The following ALDH5A1 variants were observed in gnomAD, a reference collection of about 807,000 sequenced individuals.
The protein encoded by ALDH5A1 is succinate-semialdehyde dehydrogenase, mitochondrial.
Under a neutral mutation model 54.7 loss-of-function variants are expected in ALDH5A1, and 33 were observed. The observed-to-expected ratio is 0.60, with a 90% CI of 0.46 to 0.81. The LOEUF (loss-of-function observed/expected upper bound fraction) is 0.81. ALDH5A1 is among the 30% of genes least tolerant of loss of function. The pLI is 0.00. For synonymous variants in ALDH5A1, 294 were observed against 292.7 expected (o/e 1.00, Z -0.05); for missense variants, 657 against 711.0 (o/e 0.92, Z 0.86).
intron 1 of ALDH5A1, among the ~76,000 whole-genome samples, chr6:24,495,856 T>C (rs1177851139): frequency 6.6e-6 from 1 of 152,012 alleles, no homozygotes; most frequent in East Asian, 1.9e-4. Flanking sequence ...GTAGAAAGAT[T>C]TGGGTTTTGT....
At chr6:24,523,081 C>T (rs1448606080) in intron 7 of ALDH5A1, among the ~76,000 whole-genome samples, 156 bp downstream of exon 7, 3 of 152,082 alleles carry the variant, frequency 2.0e-5, no homozygotes, top group Non-Finnish European at 2.9e-5. Flanking sequence ...TGGTGTTCTA[C>T]AGCACTGTAG....
intron 8 of ALDH5A1, 26 bp from the exon 9 acceptor site, chr6:24,532,093 T>G (rs982209970): frequency 1.2e-6 from 2 of 1,611,750 alleles, no homozygotes; most frequent in Non-Finnish European, 1.7e-6. Context: ...CCTTACATTT[T>G]TTATGACCTA....
At chr6:24,510,886 G>GT (rs1759445905) in intron 4 of ALDH5A1, among the ~76,000 whole-genome samples, 1 of 151,976 alleles carries the variant, frequency 6.6e-6, no homozygotes, top group Non-Finnish European at 1.5e-5. Flanking sequence ...GTTTTGTTTT[G>GT]TTTTTTAATT....
rs760478429 is a variant in ALDH5A1, at chr6:24,522,925, GGTAA to G, written c.1173+4_1173+7del. Reference sequence around the variant, plus strand: ...TAATTAATGAAAAAGCGGTAGAAAAGGTAAGTATATTGTATTATTTGTGAAAGTA... The same window carrying G: ...TAATTAATGAAAAAGCGGTAGAAAAGGTATATTGTATTATTTGTGAAAGTA... On this transcript the variant is annotated splice_donor_variant and splice_donor_region_variant and intron_variant, in intron 7 of 9. Coordinates refer to ENST00000357578, the MANE Select transcript of ALDH5A1 (RefSeq NM_001080.3). LOFTEE classifies it high-confidence loss of function. 4 of 1,605,722 alleles carry G rather than the reference GGTAA, an allele frequency of 2.5e-6. No homozygotes were observed. The South Asian group carries it at 4.4e-5, about 18-fold the overall frequency.
In ALDH5A1 at chr6:24,520,423, ACT is replaced by A. The variant is rs2127387279; in HGVS notation, c.896_897del (p.Ser299CysfsTer18). ...CAGATCCTGTTGCACCACGCAGCAAACTCTGTGAAAAGGGTCTCTATGGAGCT... is the reference window on the plus strand; with the variant it reads ...CAGATCCTGTTGCACCACGCAGCAAACTGTGAAAAGGGTCTCTATGGAGCT... On this transcript the variant is annotated frameshift_variant, in exon 6 of 10. Coordinates refer to ENST00000357578, the MANE Select transcript of ALDH5A1 (RefSeq NM_001080.3). LOFTEE classifies it high-confidence loss of function. 2 of 1,613,992 alleles carry A rather than the reference ACT, an allele frequency of 1.2e-6. No homozygotes were observed. Among genetic ancestry groups the A allele is most frequent in the Non-Finnish European group, 1.7e-6 (2 of 1,180,000 alleles).
At chr6:24,516,915 C>T (rs950715525) in intron 5 of ALDH5A1, among the ~76,000 whole-genome samples, 17 of 152,124 alleles carry the variant, frequency 1.1e-4, no homozygotes, top group African/African-American at 3.6e-4. Flanking sequence ...AGGTGTGAGA[C>T]CCTGCCTCAA....
At chr6:24,522,504 T>TGTGTGTGTGTGTGTGTGTGA in intron 6 of ALDH5A1, 1 of 396,040 alleles carries the variant, frequency 2.5e-6, no homozygotes, top group Non-Finnish European at 4.8e-6. Context: ...TGTGTGTGTG[T>TGTGTGTGTGTGTGTGTGTGA]ACAGGTGCTT....
rs1193554177 is a variant in ALDH5A1 at position 24,522,917 on chromosome 6, G to A, written c.1165G>A (p.Val389Ile). 5.7e-6 allele frequency: 9 copies of A among 1,574,914 alleles called. No individual in the cohort carries two copies. In the South Asian group the frequency reaches 6.6e-5, roughly 12 times the overall value. The change falls in exon 7 of 10, where the codon GTA becomes ATA. Residue 389 changes from valine (V) to isoleucine (I), a missense_variant. Val to Ile is a conservative substitution (Grantham distance 29, BLOSUM62 3). Coordinates refer to ENST00000357578, the MANE Select transcript of ALDH5A1 (RefSeq NM_001080.3). ...GGGCCCATTAATTAATGAAAAAGCG[G>A]TAGAAAAGGTAAGTATATTGTATTA... ...TQGPLINEKA[V>I]EKVEKQVNDA...
chr6:24,516,242 C>G (rs1049966680), intron 5 of ALDH5A1, among the ~76,000 whole-genome samples: 1 of 151,550 alleles, frequency 6.6e-6, no homozygotes, highest in Admixed American at 6.6e-5. Flanking sequence ...CAAGACCATC[C>G]TGGCTAACAC....
At chr6:24,506,987 C>A (rs895572663) in intron 4 of ALDH5A1, among the ~76,000 whole-genome samples, 13 of 152,352 alleles carry the variant, frequency 8.5e-5, no homozygotes, top group Middle Eastern at 3.4e-3. Context: ...TATCCCATTA[C>A]ATTTAGTTGC....
At position 24,523,636 on chromosome 6, in the gene ALDH5A1, CT is replaced by C. The variant is rs567724825; in HGVS notation, c.1173+715del. ...GGATCTTGAGACAAAGTTCATTCAT[CT>C]TTTGGAACACCTATGGAATGGAAGA... On this transcript the variant is annotated intron_variant, in intron 7 of 9. Transcript: ENST00000357578. 2.2e-4 allele frequency among the ~76,000 whole-genome samples: 33 copies of C among 152,332 alleles called. No homozygotes were observed. The East Asian group carries it at 6.4e-3, about 29-fold the overall frequency.
intron 4 of ALDH5A1, among the ~76,000 whole-genome samples, chr6:24,512,244 C>A (rs1759473756): frequency 6.6e-6 from 1 of 152,196 alleles, no homozygotes; most frequent in African/African-American, 2.4e-5. Flanking sequence ...CCAGGTCCTG[C>A]AGGAGCAATC....
intron 8 of ALDH5A1, among the ~76,000 whole-genome samples, chr6:24,531,306 A>G (rs1554138163): frequency 6.6e-6 from 1 of 152,340 alleles, no homozygotes; most frequent in Non-Finnish European, 1.5e-5. Context: ...TAAAATGTGA[A>G]CTGGACATTT....
At position 24,495,336 on chromosome 6, in the gene ALDH5A1, G is replaced by C; in HGVS notation, c.340G>C (p.Glu114Gln). ...CTACGAGGCTTTCTGCCGCTGGAGG[G>C]AGGTCTCCGCCAAGGTGAGAGAGCC... ...AAYEAFCRWR[E>Q]VSAKERSSLL... Residue 114 changes from glutamate (E) to glutamine (Q), a missense_variant, in exon 1 of 10, where the codon GAG becomes CAG. Glu to Gln is a conservative substitution (Grantham distance 29). Around this residue, in one of 2 missense-constraint regions of ALDH5A1, gnomAD observed 232 missense variants for 194.6 expected, o/e 1.19. Coordinates refer to ENST00000357578, the MANE Select transcript of ALDH5A1 (RefSeq NM_001080.3). 1 of 1,533,014 alleles carries C rather than the reference G, an allele frequency of 6.5e-7. No homozygotes were observed. The highest frequency in any genetic ancestry group is 2.4e-5 in the East Asian group (1 of 40,838). 95.0% of individuals were successfully genotyped at this position (1,533,014 alleles called of 1,614,324 possible). A position where few individuals can be genotyped will look rare whatever the true frequency, so the allele number is the denominator to read the frequency against.
intron 1 of ALDH5A1, among the ~76,000 whole-genome samples, chr6:24,496,201 G>A (rs770155495): frequency 6.6e-6 from 1 of 152,184 alleles, no homozygotes; most frequent in Admixed American, 6.5e-5. Flanking sequence ...TGTATGCCCT[G>A]CACTGTTGGA....
chr6:24,508,493 T>C (rs1759404264), intron 4 of ALDH5A1, among the ~76,000 whole-genome samples: 4 of 151,814 alleles, frequency 2.6e-5, no homozygotes, highest in South Asian at 2.1e-4. Context: ...ATAAACCACA[T>C]AGGATACAGT....
At chr6:24,507,161 C>T (rs1486738341) in intron 4 of ALDH5A1, among the ~76,000 whole-genome samples, 23 of 152,182 alleles carry the variant, frequency 1.5e-4, no homozygotes, top group African/African-American at 5.1e-4. Flanking sequence ...ATGCTTACCA[C>T]CAGTGCTTAT....
intron 8 of ALDH5A1, among the ~76,000 whole-genome samples, chr6:24,530,459 T>C (rs1256269737): frequency 1.3e-5 from 2 of 152,238 alleles, no homozygotes; most frequent in African/African-American, 2.4e-5. Flanking sequence ...TCAGACATCT[T>C]GTAATTTTCC....
Position 24,495,066 on chromosome 6 carries a change from C to T in ALDH5A1, c.70C>T (p.Leu24Phe). The change falls in exon 1 of 10, where the codon CTC (leucine) becomes TTC (phenylalanine). Residue 24 changes from leucine (L) to phenylalanine (F), a missense_variant. Around this residue, in one of 2 missense-constraint regions of ALDH5A1, gnomAD observed 232 missense variants for 194.6 expected, o/e 1.19. Coordinates refer to ENST00000357578, the MANE Select transcript of ALDH5A1 (RefSeq NM_001080.3). ...CGGGTCGACGTTTCCAGGCTGCCGC[C>T]TCCGCCCCCGCGCCGGCGGCCTGGT... ...RLGSTFPGCR[L>F]RPRAGGLVPA... 2.2e-6 allele frequency: 3 copies of T among 1,337,578 alleles called. No homozygotes were observed. The highest frequency in any genetic ancestry group is 2.9e-6 in the Non-Finnish European group (3 of 1,046,144). The allele number at this position is 1,337,578 out of a possible 1,614,324, so 82.9% of individuals were successfully genotyped here. A position where few individuals can be genotyped will look rare whatever the true frequency, so the allele number is the denominator to read the frequency against.
Sources: allele counts gnomAD v4.1 joint callset (sites outside exome capture counted in the v4.1 genomes callset), GRCh38; gene constraint gnomAD v4.1.1; regional missense constraint gnomAD v4.1.1; transcripts MANE v1.5; gene names NCBI Gene and HGNC (gene_info 2026-07-23, HGNC 2026-07-21).